The following WDR41 variants were observed in gnomAD, a reference collection of about 807,000 sequenced individuals.
WDR41 encodes WD repeat-containing protein 41.
WDR41 carries 63 observed loss-of-function variants against 69.3 expected under a neutral mutation model. The observed-to-expected ratio is 0.91, with a 90% CI of 0.74 to 1.12. WDR41 has a LOEUF of 1.12. WDR41 is among the 50% of genes most tolerant of loss of function. The pLI, the probability that WDR41 is intolerant of heterozygous loss-of-function variation, is 0.00. For missense variants in WDR41, 543 were observed against 534.5 expected, an observed-to-expected ratio of 1.02 and a Z score of -0.16; for synonymous variants, 185 against 192.1, an observed-to-expected ratio of 0.96 and a Z score of 0.31.
chr5:77,547,151 C>T (rs1298506929), intron 1 of WDR41, among the ~76,000 whole-genome samples: 7 of 151,952 alleles, frequency 4.6e-5, no homozygotes, highest in South Asian at 4.1e-4. Flanking sequence ...TATGACAAAC[C>T]GGCAGCCAAA....
At chr5:77,442,628 C>T (rs1473662220) in intron 8 of WDR41, among the ~76,000 whole-genome samples, 1 of 151,914 alleles carries the variant, frequency 6.6e-6, no homozygotes, top group Admixed American at 6.6e-5. Flanking sequence ...TGCGGTGGCT[C>T]ACACCTGTAA....
intron 1 of WDR41, among the ~76,000 whole-genome samples, chr5:77,498,347 G>C (rs1801964596): frequency 6.6e-6 from 1 of 152,124 alleles, no homozygotes; most frequent in African/African-American, 2.4e-5. Context: ...TTTTACAGAA[G>C]TGTAAAGGCA....
Position 77,489,442 on chromosome 5 carries a change from A to C in WDR41, c.167+15T>G. 1 of 1,507,606 alleles carries C rather than the reference A, an allele frequency of 6.6e-7. No individual in the cohort carries two copies. The highest frequency in any genetic ancestry group is 9.0e-7 in the Non-Finnish European group (1 of 1,106,174). The allele number at this position is 1,507,606 out of a possible 1,614,324, so 93.4% of individuals were successfully genotyped here. ...TTCCCAAACAATAGTCAATTAGACC[A>C]CTATAGCTTCTTACCTGTAGTCATC... On this transcript the variant is annotated intron_variant, in intron 2 of 12. Transcript: ENST00000296679.
intron 1 of WDR41, among the ~76,000 whole-genome samples, chr5:77,575,201 T>C (rs941766119): frequency 5.9e-5 from 9 of 152,098 alleles, no homozygotes; most frequent in African/African-American, 9.7e-5. Flanking sequence ...CCACTCTAAC[T>C]TGTGAAAGAA....
chr5:77,542,079 A>G (rs1743098140), intron 1 of WDR41, among the ~76,000 whole-genome samples: 1 of 152,220 alleles, frequency 6.6e-6, no homozygotes, highest in East Asian at 1.9e-4. Flanking sequence ...ATCATGGAAT[A>G]CTATGCAGCC....
At chr5:77,453,697 C>A in intron 6 of WDR41, 120 bp downstream of exon 6, 1 of 722,910 alleles carries the variant, frequency 1.4e-6, no homozygotes. Context: ...CTGTTATCTT[C>A]AGAACTGAAA....
chr5:77,491,274 C>T, intron 1 of WDR41: 1 of 287,048 alleles, frequency 3.5e-6, no homozygotes, highest in Non-Finnish European at 7.2e-6. Context: ...CGCCAGAGAA[C>T]AACTCCCCTT....
intron 1 of WDR41, among the ~76,000 whole-genome samples, chr5:77,513,852 C>T (rs1168178661): frequency 6.6e-6 from 1 of 152,144 alleles, no homozygotes; most frequent in Non-Finnish European, 1.5e-5. Context: ...AACTTTTCTG[C>T]TCCGTTTTTC....
At chr5:77,550,098 T>C (rs1157530494) in intron 1 of WDR41, among the ~76,000 whole-genome samples, 1 of 152,078 alleles carries the variant, frequency 6.6e-6, no homozygotes, top group African/African-American at 2.4e-5. Context: ...TAACTCAAGG[T>C]GGATTAAAGA....
At chr5:77,440,064 C>A (rs986535730) in intron 9 of WDR41, among the ~76,000 whole-genome samples, 1 of 152,114 alleles carries the variant, frequency 6.6e-6, no homozygotes, top group East Asian at 1.9e-4. Context: ...ATTCTCCCCC[C>A]ACTACATAAC....
chr5:77,532,483 C>T (rs1802541757), intron 1 of WDR41, among the ~76,000 whole-genome samples: 1 of 151,954 alleles, frequency 6.6e-6, no homozygotes. Flanking sequence ...ACATGAGCAC[C>T]AAGAGTCTTG....
chr5:77,527,950 A>G (rs1403857416), intron 1 of WDR41, among the ~76,000 whole-genome samples: 2 of 151,818 alleles, frequency 1.3e-5, no homozygotes, highest in Non-Finnish European at 1.5e-5. Context: ...ACACCATTAA[A>G]TGCACACTAG....
chr5:77,439,972 A>G (rs570532944), intron 9 of WDR41, among the ~76,000 whole-genome samples: 1 of 152,180 alleles, frequency 6.6e-6, no homozygotes, highest in African/African-American at 2.4e-5. Context: ...CAATCTTTGA[A>G]TATATTAGTG....
intron 2 of WDR41, among the ~76,000 whole-genome samples, chr5:77,473,598 G>GA (rs1344651888): frequency 6.6e-6 from 1 of 151,930 alleles, no homozygotes; most frequent in Non-Finnish European, 1.5e-5. Context: ...AAATTTACAA[G>GA]AAAAAAATAA....
intron 1 of WDR41, among the ~76,000 whole-genome samples, chr5:77,512,519 A>T (rs1439461066): frequency 6.6e-6 from 1 of 151,970 alleles, no homozygotes; most frequent in Non-Finnish European, 1.5e-5. Flanking sequence ...TGGGAGGCCG[A>T]GGCAGGCGGA....
chr5:77,469,549 T>G (rs576944130), intron 2 of WDR41, among the ~76,000 whole-genome samples: 1 of 152,212 alleles, frequency 6.6e-6, no homozygotes, highest in South Asian at 2.1e-4. Flanking sequence ...GCAGTTTGTA[T>G]ACTCCATTAG....
upstream of WDR41, among the ~76,000 whole-genome samples, chr5:77,496,371 A>T (rs1801934043): frequency 1.3e-5 from 2 of 152,072 alleles, no homozygotes; most frequent in Admixed American, 1.3e-4. Flanking sequence ...AATCCTGAAG[A>T]ATCCACAAAA....
chr5:77,473,133 A>G (rs1412092602), intron 2 of WDR41, among the ~76,000 whole-genome samples: 2 of 151,886 alleles, frequency 1.3e-5, no homozygotes, highest in African/African-American at 4.8e-5. Flanking sequence ...CCTCAGAAAT[A>G]ACGCCGCATA....
intron 1 of WDR41, chr5:77,546,084 TG>T: frequency 1.8e-6 from 1 of 546,516 alleles, no homozygotes; most frequent in Non-Finnish European, 3.1e-6. Context: ...ACTGCCACCC[TG>T]GGCAACTTCG....
Sources: allele counts gnomAD v4.1 joint callset (sites outside exome capture counted in the v4.1 genomes callset), GRCh38; gene constraint gnomAD v4.1.1; transcripts MANE v1.5; gene names NCBI Gene and HGNC (gene_info 2026-07-23, HGNC 2026-07-21).